Variants in GOLGA1 observed in about 807,000 individuals in gnomAD.
The protein encoded by GOLGA1 is golgin subfamily A member 1.
Under a neutral mutation model 119.7 loss-of-function variants are expected in GOLGA1, and 63 were observed. That is an observed-to-expected ratio of 0.53 (90% CI 0.43 to 0.65). GOLGA1 has a LOEUF of 0.65. GOLGA1 is among the 30% of genes least tolerant of loss of function. The pLI is 0.00. For missense variants in GOLGA1, 798 were observed against 912.8 expected, an observed-to-expected ratio of 0.87 and a Z score of 1.62; for synonymous variants, 318 against 333.4, an observed-to-expected ratio of 0.95 and a Z score of 0.50.
intron 12 of GOLGA1, among the ~76,000 whole-genome samples, chr9:124,903,750 T>A (rs1442260965): frequency 6.6e-6 from 1 of 151,690 alleles, no homozygotes; most frequent in Admixed American, 6.6e-5. Flanking sequence ...GGAATATTAT[T>A]CAGTCTTAAA....
chr9:124,888,304 C>T lies in GOLGA1; in HGVS notation c.1854G>A (p.Gln618=). Residue 618 remains glutamine, a synonymous_variant, in exon 19 of 23, where the codon CAG becomes CAA. Coordinates refer to ENST00000373555, the MANE Select transcript of GOLGA1 (RefSeq NM_002077.4). The surrounding 1 kb of genome is among the most constrained non-coding windows in gnomAD (Gnocchi z 4.4). ...NGEVGAMDLT[Q]LQKEKQDLEQ... Reference sequence around the variant, plus strand: ...CCAAGTCCTGTTTCTCCTTCTGTAGCTGTGTGAGATCCATGGCCCCAACCT... The same window carrying T: ...CCAAGTCCTGTTTCTCCTTCTGTAGTTGTGTGAGATCCATGGCCCCAACCT... 1 of 1,614,022 alleles carries T rather than the reference C, an allele frequency of 6.2e-7. No homozygotes were observed. Among genetic ancestry groups the T allele is most frequent in the Non-Finnish European group, 8.5e-7 (1 of 1,179,882 alleles).
chr9:124,947,611 T>C (rs1831167383), intron 1 of GOLGA1: 2 of 152,164 alleles, frequency 1.3e-5, no homozygotes, highest in African/African-American at 2.4e-5. Flanking sequence ...ACATACTGTA[T>C]CACTGCATAC....
upstream of GOLGA1, chr9:124,943,016 A>G (rs2131556128): frequency 6.6e-6 from 1 of 152,350 alleles, no homozygotes; most frequent in Non-Finnish European, 1.5e-5. Context: ...AACTCAAGAA[A>G]ATAAAATGTT....
At chr9:124,886,006 G>C (rs1829712621) in intron 19 of GOLGA1, among the ~76,000 whole-genome samples, 1 of 152,238 alleles carries the variant, frequency 6.6e-6, no homozygotes, top group Admixed American at 6.5e-5. Flanking sequence ...CTAACAGCCT[G>C]GATGCTGGTA....
Position 124,941,046 on chromosome 9 carries a change from C to T in GOLGA1, c.-281G>A, listed in dbSNP as rs1010639604. ...AGCCCCGGCCCGCGTCACCAACCCC[C>T]ACCGCCCAGCCGGCGAGCCGAGCAG... On this transcript the variant is annotated 5_prime_UTR_variant, in exon 1 of 23. Coordinates refer to ENST00000373555, the MANE Select transcript of GOLGA1 (RefSeq NM_002077.4). 1 of 152,426 alleles carries T rather than the reference C, an allele frequency of 6.6e-6. No homozygotes were observed. Among genetic ancestry groups the T allele is most frequent in the Non-Finnish European group, 1.5e-5 (1 of 68,090 alleles). The allele number at this position is 152,426 out of a possible 1,614,324, so 9.4% of individuals were successfully genotyped here. A position where few individuals can be genotyped will look rare whatever the true frequency, so the allele number is the denominator to read the frequency against.
rs374096670 is a variant in GOLGA1 at position 124,937,330 on chromosome 9, T to A, written c.135+1247A>T. 6.8e-3 allele frequency among the ~76,000 whole-genome samples: 1,036 copies of A among 152,138 alleles called. 13 individuals carry two copies. Among genetic ancestry groups the A allele is most frequent in the African/African-American group, 0.022 (932 of 41,516 alleles). ...AGCTGGACGTGGTGGCGGGTGCCTG[T>A]AGTCCCAAGCTACTCAGGAGGCTGA... On this transcript the variant is annotated intron_variant, in intron 3 of 22. Coordinates refer to ENST00000373555, the MANE Select transcript of GOLGA1 (RefSeq NM_002077.4).
upstream of GOLGA1, chr9:124,945,619 G>A (rs1368803422): frequency 6.6e-6 from 1 of 151,920 alleles, no homozygotes; most frequent in African/African-American, 2.4e-5. Context: ...TTAAAATTAA[G>A]AATGGTGCTT....
intron 12 of GOLGA1, among the ~76,000 whole-genome samples, chr9:124,903,651 C>CA (rs11435294): frequency 0.37 from 33,961 of 90,992 alleles, 5,688 homozygotes; most frequent in Non-Finnish European, 0.42. Flanking sequence ...AGAAAAAGAC[C>CA]AAAAAAAAAA....
rs750087825 is a variant in GOLGA1 at position 124,889,163 on chromosome 9, G to A, written c.1741C>T (p.Leu581Phe). Residue 581 changes from leucine to phenylalanine, a missense_variant, in exon 18 of 23, where the codon CTC (leucine) becomes TTC (phenylalanine). Leu to Phe is a conservative substitution (Grantham distance 22, BLOSUM62 0). Transcript: ENST00000373555. Reference sequence around the variant, plus strand: ...CTTACGTGCGACTCATTGACTGAGAGTGCTTCGGCCTGCAATGGGCCCCGC... The same window carrying A: ...CTTACGTGCGACTCATTGACTGAGAATGCTTCGGCCTGCAATGGGCCCCGC... ...RLRGPLQAEA[L>F]SVNESHVTSR... The A allele has an allele frequency of 6.2e-7, 1 of 1,611,214 alleles. No homozygotes were observed. The highest frequency in any genetic ancestry group is 1.3e-5 in the African/African-American group (1 of 74,982).
At position 124,880,516 on chromosome 9, in the gene GOLGA1, T is replaced by C. The variant is rs1459691584; in HGVS notation, c.*14A>G. On this transcript the variant is annotated 3_prime_UTR_variant, in exon 23 of 23. Coordinates refer to ENST00000373555, the MANE Select transcript of GOLGA1 (RefSeq NM_002077.4). Reference sequence around the variant, plus strand: ...AGTGTCAACCCACGGAGCTCCATCCTTGGGTAGTCCCCTCTAGGACCATGG... The same window carrying C: ...AGTGTCAACCCACGGAGCTCCATCCCTGGGTAGTCCCCTCTAGGACCATGG... 5 of 1,472,788 alleles carry C rather than the reference T, an allele frequency of 3.4e-6. No individual in the cohort carries two copies. Among genetic ancestry groups the C allele is most frequent in the Non-Finnish European group, 4.8e-6 (5 of 1,051,234 alleles). 91.2% of individuals were successfully genotyped at this position (1,472,788 alleles called of 1,614,324 possible).
chr9:124,879,991 A>C lies in GOLGA1; in HGVS notation c.*539T>G, dbSNP rs1365289478. 6.5e-6 allele frequency: 1 copy of C among 152,766 alleles called. No individual in the cohort carries two copies. The highest frequency in any genetic ancestry group is 1.5e-5 in the Non-Finnish European group (1 of 68,238). 9.5% of individuals were successfully genotyped at this position (152,766 alleles called of 1,614,324 possible). On this transcript the variant is annotated 3_prime_UTR_variant, in exon 23 of 23. Coordinates refer to ENST00000373555, the MANE Select transcript of GOLGA1 (RefSeq NM_002077.4). ...ATCCTCTAAAGTTCTAGGTGGTTTG[A>C]GAGACAGGGTGAAAGAATATTTTCT... is the stretch of plus-strand genomic sequence containing the variant.
At chr9:124,927,527 T>C (rs1830697330) in intron 6 of GOLGA1, among the ~76,000 whole-genome samples, 1 of 152,144 alleles carries the variant, frequency 6.6e-6, no homozygotes, top group Non-Finnish European at 1.5e-5. Flanking sequence ...ATTTCTTAAG[T>C]GAAACATAAT....
At chr9:124,882,658 G>T in intron 19 of GOLGA1, 89 bp from the exon 20 acceptor site, 1 of 1,025,098 alleles carries the variant, frequency 9.8e-7, no homozygotes, top group Non-Finnish European at 1.5e-6. Context: ...GGGATCCCCT[G>T]TACACCTGTG....
At chr9:124,942,260 A>T (rs1831056020), upstream of GOLGA1, among the ~76,000 whole-genome samples, 1 of 152,168 alleles carries the variant, frequency 6.6e-6, no homozygotes, top group Non-Finnish European at 1.5e-5. Flanking sequence ...ACAAGAGCGA[A>T]ACTCTATCTC....
At chr9:124,908,173 A>C (rs929969810) in intron 12 of GOLGA1, among the ~76,000 whole-genome samples, 2 of 152,234 alleles carry the variant, frequency 1.3e-5, no homozygotes, top group African/African-American at 2.4e-5. Flanking sequence ...AATGGGGATA[A>C]AAGGGTATAA....
chr9:124,913,314 C>T (rs554470130), intron 10 of GOLGA1, among the ~76,000 whole-genome samples: 186 of 152,258 alleles, frequency 1.2e-3, no homozygotes, highest in Non-Finnish European at 1.8e-3. Flanking sequence ...GCAGAGGATC[C>T]AGGAAGCTTT....
chr9:124,937,224 C>T (rs775099052), intron 3 of GOLGA1, among the ~76,000 whole-genome samples: 9 of 151,954 alleles, frequency 5.9e-5, no homozygotes, highest in Non-Finnish European at 1.2e-4. Flanking sequence ...GAGACCGACG[C>T]GGGAGGATCA....
intron 12 of GOLGA1, among the ~76,000 whole-genome samples, chr9:124,903,876 C>G (rs1450205463): frequency 1.3e-5 from 2 of 151,818 alleles, no homozygotes; most frequent in African/African-American, 2.4e-5. Flanking sequence ...TGGTGAAACC[C>G]CATCTCTACT....
At chr9:124,917,809 TC>T (rs1322993518) in intron 10 of GOLGA1, among the ~76,000 whole-genome samples, 5 of 152,134 alleles carry the variant, frequency 3.3e-5, no homozygotes, top group Non-Finnish European at 7.3e-5. Flanking sequence ...GAGTGTTACT[TC>T]CTTAAGTGTT....
Sources: gnomAD v4.1 joint callset for allele counts (sites outside exome capture counted in the v4.1 genomes callset) on GRCh38, gnomAD v4.1.1 for gene constraint, Gnocchi (gnomAD v3.1) non-coding constraint, MANE v1.5 for transcripts, NCBI Gene and HGNC (gene_info 2026-07-23, HGNC 2026-07-21) for gene names.